Variants in PIGN observed in about 807,000 individuals in gnomAD.
PIGN encodes the protein GPI ethanolamine phosphate transferase 1.
Under a neutral mutation model 125.4 loss-of-function variants are expected in PIGN, and 117 were observed. That is an observed-to-expected ratio of 0.93 (90% CI 0.80 to 1.09). The LOEUF (loss-of-function observed/expected upper bound fraction) is 1.09, where lower values mean the gene tolerates loss of function less well. PIGN is among the 50% of genes least tolerant of loss of function. PIGN has a pLI of 0.00. For synonymous variants in PIGN, 392 were observed against 377.8 expected, an observed-to-expected ratio of 1.04 and a Z score of -0.44; for missense variants, 1,075 against 1,094.9, an observed-to-expected ratio of 0.98 and a Z score of 0.26.
At chr18:62,118,491 C>T (rs1568195138) in intron 14 of PIGN, 1 of 152,200 alleles carries the variant, frequency 6.6e-6, no homozygotes, top group East Asian at 1.9e-4. Flanking sequence ...AACTGTAACT[C>T]TGAGGGAATC....
Position 62,125,141 on chromosome 18 carries a change from CATATGTGTAT to C in PIGN, c.1173-10512_1173-10503del, listed in dbSNP as rs1568202965. On this transcript the variant is annotated intron_variant, in intron 14 of 30. Coordinates refer to ENST00000640252, the MANE Select transcript of PIGN (RefSeq NM_176787.5). Reference sequence around the variant, plus strand: ...GTGTATATAAATATACACGTTTGTACATATGTGTATATACATGTTTGTACATATGTGTATA... The same window carrying C: ...GTGTATATAAATATACACGTTTGTACATACATGTTTGTACATATGTGTATA... Among the ~76,000 whole-genome samples, 129 of 47,788 alleles carry C rather than the reference CATATGTGTAT, an allele frequency of 2.7e-3. 1 individual carries two copies. Among genetic ancestry groups the C allele is most frequent in the South Asian group, 0.01 (12 of 1,164 alleles). The allele number at this position is 47,788 out of a possible 152,430, so 31.4% of individuals were successfully genotyped here.
chr18:62,131,849 A>G (rs2035750948), intron 14 of PIGN, among the ~76,000 whole-genome samples: 1 of 152,178 alleles, frequency 6.6e-6, no homozygotes, highest in South Asian at 2.1e-4. Flanking sequence ...GAACAAGATA[A>G]TGGAAAAATG....
chr18:62,174,012 G>A (rs748906310), intron 1 of PIGN, among the ~76,000 whole-genome samples: 35 of 152,074 alleles, frequency 2.3e-4, no homozygotes, highest in Admixed American at 4.6e-4. Context: ...TCAAGAGTTC[G>A]AGACCAGCCT....
chr18:62,028,245 T>C (rs2030149685), intron 23 of PIGN, among the ~76,000 whole-genome samples: 1 of 152,208 alleles, frequency 6.6e-6, no homozygotes, highest in Non-Finnish European at 1.5e-5. Context: ...CTCTGCCAGT[T>C]GTGACAACAA....
intron 14 of PIGN, among the ~76,000 whole-genome samples, chr18:62,129,986 C>G (rs748175056): frequency 6.6e-6 from 1 of 152,038 alleles, no homozygotes; most frequent in Non-Finnish European, 1.5e-5. Context: ...AGAGGGAGAT[C>G]TGGAGACAGA....
At position 62,088,752 on chromosome 18, in the gene PIGN, A is replaced by G; in HGVS notation, c.2370+4T>C. On this transcript the variant is annotated splice_donor_region_variant and intron_variant, in intron 25 of 30. Transcript: ENST00000640252. ...CTTTAAACCAAAGTCTCCACAAAGG[A>G]TACAAGGAAAAAGGCCCTACGGATG... 6.6e-7 allele frequency: 1 copy of G among 1,523,204 alleles called. No individual in the cohort carries two copies. Among genetic ancestry groups the G allele is most frequent in the Non-Finnish European group, 9.0e-7 (1 of 1,116,830 alleles). The allele number at this position is 1,523,204 out of a possible 1,614,324, so 94.4% of individuals were successfully genotyped here.
rs200770603 is a variant in PIGN, at chr18:62,063,698, A to T, written c.2672+8975T>A. ...TACAGGTCTGGGAAGACTACTTTAG[A>T]CAGACATATGAAAATGTGGCACATA... On this transcript the variant is annotated intron_variant, in intron 30 of 30. Coordinates refer to ENST00000640252, the MANE Select transcript of PIGN (RefSeq NM_176787.5). 1.5e-4 allele frequency among the ~76,000 whole-genome samples: 22 copies of T among 149,826 alleles called. No homozygotes were observed. In the East Asian group the frequency reaches 3.1e-3, roughly 21 times the overall value.
chr18:62,063,498 A>G (rs188160385), intron 30 of PIGN, among the ~76,000 whole-genome samples: 121 of 150,602 alleles, frequency 8.0e-4, no homozygotes, highest in African/African-American at 2.8e-3. Context: ...GCCAAAATCT[A>G]TGGTTTCTGA....
At chr18:62,079,992 A>C (rs1037409910) in intron 28 of PIGN, among the ~76,000 whole-genome samples, 2 of 152,172 alleles carry the variant, frequency 1.3e-5, no homozygotes, top group African/African-American at 2.4e-5. Context: ...ATGTGAGCAA[A>C]ACATTCTGGA....
downstream of PIGN, among the ~76,000 whole-genome samples, chr18:62,038,259 G>T (rs1329668454): frequency 1.4e-5 from 2 of 147,820 alleles, no homozygotes; most frequent in African/African-American, 5.0e-5. Context: ...CGGATTTCTC[G>T]TAATCCACCG....
At chr18:62,180,801 T>C (rs1351479568) in intron 1 of PIGN, among the ~76,000 whole-genome samples, 1 of 152,176 alleles carries the variant, frequency 6.6e-6, no homozygotes. Flanking sequence ...ATGTTGTTCA[T>C]AGGGCCTTTT....
intron 27 of PIGN, among the ~76,000 whole-genome samples, chr18:62,083,110 T>C (rs2033527467): frequency 6.6e-6 from 1 of 152,124 alleles, no homozygotes; most frequent in South Asian, 2.1e-4. Flanking sequence ...AAATAAATTA[T>C]ATAACCTGAT....
chr18:62,028,184 A>G (rs143536627), intron 23 of PIGN, among the ~76,000 whole-genome samples: 1 of 152,342 alleles, frequency 6.6e-6, no homozygotes, highest in African/African-American at 2.4e-5. Flanking sequence ...AACAGCTGAC[A>G]GTTTTCAGGT....
chr18:62,140,207 A>G (rs556029281), intron 12 of PIGN, among the ~76,000 whole-genome samples: 80 of 152,198 alleles, frequency 5.3e-4, no homozygotes, highest in Middle Eastern at 6.8e-3. Context: ...ATAAGCTGGA[A>G]GCAGTGGTGC....
chr18:62,115,281 C>T (rs1329007226), intron 14 of PIGN, among the ~76,000 whole-genome samples: 3 of 151,934 alleles, frequency 2.0e-5, no homozygotes, highest in East Asian at 1.9e-4. Flanking sequence ...CTGCATAACC[C>T]GAAACTACAT....
chr18:62,090,930 A>C (rs1252380913), intron 23 of PIGN, among the ~76,000 whole-genome samples: 1 of 152,192 alleles, frequency 6.6e-6, no homozygotes, highest in East Asian at 1.9e-4. Flanking sequence ...AGAAGAGGAA[A>C]AGGAACACTC....
intron 1 of PIGN, among the ~76,000 whole-genome samples, chr18:62,175,870 A>G (rs899784958): frequency 7.9e-5 from 12 of 152,148 alleles, no homozygotes; most frequent in Admixed American, 2.0e-4. Context: ...AATTTTACTT[A>G]TTTTGGGGAA....
Position 62,105,669 on chromosome 18 carries a change from A to G in PIGN, c.1768-35T>C, listed in dbSNP as rs781547430. Reference sequence around the variant, plus strand: ...AGAAAAAAGTTATCTTTAGACAAATATGGTATAGAAAACTATCATTAGTGT... The same window carrying G: ...AGAAAAAAGTTATCTTTAGACAAATGTGGTATAGAAAACTATCATTAGTGT... On this transcript the variant is annotated intron_variant, in intron 19 of 30. Transcript: ENST00000640252. 221 of 1,261,998 alleles carry G rather than the reference A, an allele frequency of 1.8e-4. 1 individual carries two copies. Among genetic ancestry groups the G allele is most frequent in the Non-Finnish European group, 2.3e-4 (208 of 891,828 alleles). 78.2% of individuals were successfully genotyped at this position (1,261,998 alleles called of 1,614,324 possible).
intron 30 of PIGN, among the ~76,000 whole-genome samples, chr18:62,062,694 C>T (rs1244975423): frequency 1.3e-5 from 2 of 151,912 alleles, no homozygotes; most frequent in East Asian, 3.9e-4. Context: ...CCCTGAATTG[C>T]ATTAATAATA....
Sources: allele counts gnomAD v4.1 joint callset (sites outside exome capture counted in the v4.1 genomes callset), GRCh38; gene constraint gnomAD v4.1.1; transcripts MANE v1.5; gene names NCBI Gene and HGNC (gene_info 2026-07-23, HGNC 2026-07-21).